The following R3HDM2 variants were observed in gnomAD, a reference collection of about 807,000 sequenced individuals.
The protein encoded by R3HDM2 is R3H domain-containing protein 2.
R3HDM2 carries 38 observed loss-of-function variants against 124.5 expected under a neutral mutation model. That is an observed-to-expected ratio of 0.31 (90% CI 0.24 to 0.40). The LOEUF (loss-of-function observed/expected upper bound fraction) is 0.40. Ranked by LOEUF, R3HDM2 falls within the 10% of genes least tolerant of loss-of-function variation. The pLI, the probability that R3HDM2 is intolerant of heterozygous loss-of-function variation, is 1.00. For synonymous variants in R3HDM2, 391 were observed against 448.0 expected (o/e 0.87, Z 1.61); for missense variants, 869 against 1,236.9 (o/e 0.70, Z 4.46).
At chr12:57,313,754 G>A (rs2054414146) in intron 2 of R3HDM2, among the ~76,000 whole-genome samples, 1 of 148,876 alleles carries the variant, frequency 6.7e-6, no homozygotes, top group African/African-American at 2.5e-5. Context: ...GGTGGAGTGT[G>A]CCTGTCGTCC....
intron 1 of R3HDM2, among the ~76,000 whole-genome samples, chr12:57,396,994 G>A (rs1226768152): frequency 2.6e-5 from 4 of 151,638 alleles, no homozygotes; most frequent in African/African-American, 9.7e-5. Context: ...TTGGGAGGCT[G>A]AGGGAGGAGA....
At chr12:57,387,140 G>C (rs931698014) in intron 2 of R3HDM2, among the ~76,000 whole-genome samples, 1 of 152,144 alleles carries the variant, frequency 6.6e-6, no homozygotes, top group Non-Finnish European at 1.5e-5. Flanking sequence ...GGTGGGGTCA[G>C]ATAAGAGAAT....
At chr12:57,279,200 TGA>T (rs2045568780) in intron 14 of R3HDM2, among the ~76,000 whole-genome samples, 1 of 135,932 alleles carries the variant, frequency 7.4e-6, no homozygotes, top group Admixed American at 7.0e-5. Flanking sequence ...TTTTTTTTTT[TGA>T]GACAGGGTCT....
chr12:57,350,816 G>A (rs1269949965), intron 2 of R3HDM2, among the ~76,000 whole-genome samples: 3 of 151,900 alleles, frequency 2.0e-5, no homozygotes, highest in African/African-American at 4.8e-5. Flanking sequence ...TTAGCTAGGC[G>A]TTGGCCAGGT....
intron 19 of R3HDM2, among the ~76,000 whole-genome samples, chr12:57,259,560 T>C (rs113467467): frequency 6.6e-6 from 1 of 152,160 alleles, no homozygotes; most frequent in Non-Finnish European, 1.5e-5. Flanking sequence ...TGGCCAAGAA[T>C]GGGGTAAGCT....
At chr12:57,386,514 G>A (rs988999633) in intron 2 of R3HDM2, among the ~76,000 whole-genome samples, 1 of 152,246 alleles carries the variant, frequency 6.6e-6, no homozygotes, top group African/African-American at 2.4e-5. Flanking sequence ...TCGGGGCAGG[G>A]CTTGGGACCT....
intron 6 of R3HDM2, among the ~76,000 whole-genome samples, chr12:57,298,769 C>A (rs1192465880): frequency 6.6e-6 from 1 of 151,628 alleles, no homozygotes; most frequent in Non-Finnish European, 1.5e-5. Flanking sequence ...CAAGACCAGC[C>A]TGGCCAACAT....
intron 2 of R3HDM2, among the ~76,000 whole-genome samples, chr12:57,317,980 C>T (rs1190809485): frequency 2.0e-5 from 2 of 102,088 alleles, no homozygotes; most frequent in Non-Finnish European, 4.6e-5. Context: ...ACTCCGTCCC[C>T]GCCCCCCCAA....
intron 19 of R3HDM2, among the ~76,000 whole-genome samples, chr12:57,262,041 G>T (rs1306074752): frequency 6.6e-6 from 1 of 151,892 alleles, no homozygotes; most frequent in African/African-American, 2.4e-5. Flanking sequence ...TTGTTTTTTT[G>T]TTTTTTTAAA....
intron 2 of R3HDM2, among the ~76,000 whole-genome samples, chr12:57,355,172 T>A (rs1488893425): frequency 6.6e-6 from 1 of 151,826 alleles, no homozygotes; most frequent in African/African-American, 2.4e-5. Context: ...AAGAAACACT[T>A]CTTGGCCGGG....
chr12:57,269,518 A>C (rs970104108), intron 15 of R3HDM2, 69 bp from the exon 16 acceptor site: 1 of 1,572,086 alleles, frequency 6.4e-7, no homozygotes, highest in African/African-American at 1.4e-5. Context: ...ATACTACTAT[A>C]AATGCCTCAA....
Position 57,253,972 on chromosome 12 carries a change from C to G in R3HDM2, c.*801G>C. On this transcript the variant is annotated 3_prime_UTR_variant, in exon 24 of 24. Transcript: ENST00000402412. ...GTGTTCTGGGGGGGCCAGGGGAATC[C>G]CAAGTTTTAACTCTGTGGGGTCTAG... 2.8e-6 allele frequency: 1 copy of G among 356,980 alleles called. No individual in the cohort carries two copies. The highest frequency in any genetic ancestry group is 5.3e-6 in the Non-Finnish European group (1 of 187,934). The allele number at this position is 356,980 out of a possible 1,614,324, so 22.1% of individuals were successfully genotyped here.
At chr12:57,401,720 A>G (rs1234255596) in intron 1 of R3HDM2, among the ~76,000 whole-genome samples, 4 of 152,256 alleles carry the variant, frequency 2.6e-5, no homozygotes, top group African/African-American at 9.6e-5. Context: ...ACAGTGGCTC[A>G]TGCCTGTAAT....
chr12:57,349,436 T>TTTC (rs2060456946), intron 2 of R3HDM2, among the ~76,000 whole-genome samples: 1 of 142,612 alleles, frequency 7.0e-6, no homozygotes, highest in Admixed American at 7.0e-5. Context: ...ATCAAGTAAA[T>TTTC]TTCTTACTGT....
chr12:57,271,915 G>C lies in R3HDM2; in HGVS notation c.1345-1921C>G, dbSNP rs182490789. Among the ~76,000 whole-genome samples the C allele has an allele frequency of 1.4e-3, 202 of 149,428 alleles. 1 individual carries two copies. Among genetic ancestry groups the C allele is most frequent in the Middle Eastern group, 6.9e-3 (2 of 290 alleles). On this transcript the variant is annotated intron_variant, in intron 14 of 23. Coordinates refer to ENST00000402412, the MANE Select transcript of R3HDM2 (RefSeq NM_001394031.1). ...CTGCATTTTTTTTTTTTTTTGAGACGGAGTCTTGCTCTGTTGTCCAGGCTG... is the reference window on the plus strand; with the variant it reads ...CTGCATTTTTTTTTTTTTTTGAGACCGAGTCTTGCTCTGTTGTCCAGGCTG...
chr12:57,362,920 A>C (rs1419755125), intron 2 of R3HDM2, among the ~76,000 whole-genome samples: 2 of 152,104 alleles, frequency 1.3e-5, no homozygotes, highest in African/African-American at 2.4e-5. Flanking sequence ...CTCCTGGTTC[A>C]AGCAGTTCTC....
At chr12:57,391,027 A>G (rs532226478) in intron 2 of R3HDM2, among the ~76,000 whole-genome samples, 15 of 152,120 alleles carry the variant, frequency 9.9e-5, no homozygotes, top group African/African-American at 2.7e-4. Context: ...AAAAAAAAAA[A>G]AAAGAAAGAA....
intron 2 of R3HDM2, chr12:57,341,318 C>A: frequency 1.4e-6 from 1 of 725,088 alleles, no homozygotes; most frequent in Non-Finnish European, 1.7e-6. Flanking sequence ...TAAAACATCC[C>A]ACTTTGGCTT....
At chr12:57,370,340 A>G (rs1226557401) in intron 2 of R3HDM2, among the ~76,000 whole-genome samples, 5 of 146,848 alleles carry the variant, frequency 3.4e-5, no homozygotes, top group African/African-American at 7.6e-5. Flanking sequence ...CTGTGAGCCA[A>G]TTAAACCTTA....
Sources: gnomAD v4.1 joint callset for allele counts (sites outside exome capture counted in the v4.1 genomes callset) on GRCh38, gnomAD v4.1.1 for gene constraint, MANE v1.5 for transcripts, NCBI Gene and HGNC (gene_info 2026-07-23, HGNC 2026-07-21) for gene names.